The following DNAH7 variants were observed in gnomAD, a reference collection of about 807,000 sequenced individuals.
The protein encoded by DNAH7 is axonemal beta dynein heavy chain 7.
A neutral mutation model predicts 444.6 loss-of-function variants in DNAH7; 397 were observed. The observed-to-expected ratio is 0.89, with a 90% CI of 0.82 to 0.97. DNAH7 has a LOEUF of 0.97. Among genes scored for constraint, DNAH7 ranks in the 50% least tolerant of loss-of-function variants. The probability of loss-of-function intolerance (pLI) is 0.00; values close to 1 mark genes in which losing one functional copy is unlikely to be tolerated. For synonymous variants in DNAH7, 1,636 were observed against 1,624.4 expected (o/e 1.01, Z -0.17); for missense variants, 4,902 against 4,800.8 (o/e 1.02, Z -0.62).
chr2:195,962,359 T>G (rs948213468), intron 17 of DNAH7, among the ~76,000 whole-genome samples: 1 of 152,180 alleles, frequency 6.6e-6, no homozygotes, highest in South Asian at 2.1e-4. Context: ...TTTTGGTTGG[T>G]TGGTTGTTGT....
intron 2 of DNAH7, among the ~76,000 whole-genome samples, chr2:196,054,099 A>G (rs1697653892): frequency 1.3e-5 from 2 of 152,226 alleles, no homozygotes; most frequent in South Asian, 4.1e-4. Context: ...AGAGCCACCA[A>G]TAGGTTCCAA....
Position 195,864,898 on chromosome 2 carries a change from C to G in DNAH7, c.6757G>C (p.Asp2253His). 6.2e-7 allele frequency: 1 copy of G among 1,613,690 alleles called. No individual in the cohort carries two copies. The highest frequency in any genetic ancestry group is 8.5e-7 in the Non-Finnish European group (1 of 1,180,022). ...EDFHELFQRLDFDNDGMVEAD... is the reference protein window; with the variant it reads ...EDFHELFQRLHFDNDGMVEAD... ...TCCACCATGCCATCATTATCAAAAT[C>G]CAAACGCTGAAAAAGCTCATGAAAA... Residue 2253 changes from aspartate to histidine, a missense_variant, in exon 41 of 65, where the codon GAT becomes CAT. Physicochemically the swap from Asp to His is moderately conservative, Grantham distance 81. Coordinates refer to ENST00000312428, the MANE Select transcript of DNAH7 (RefSeq NM_018897.3).
At chr2:195,895,783 T>C (rs1463659654) in intron 29 of DNAH7, among the ~76,000 whole-genome samples, 1 of 152,158 alleles carries the variant, frequency 6.6e-6, no homozygotes, top group Non-Finnish European at 1.5e-5. Context: ...TGTCTAGACT[T>C]TAATATAAAT....
intron 48 of DNAH7, among the ~76,000 whole-genome samples, chr2:195,833,196 T>C (rs962026510): frequency 2.6e-5 from 4 of 152,244 alleles, no homozygotes; most frequent in African/African-American, 9.6e-5. Flanking sequence ...TCCCCTTTTC[T>C]ATGTAACTCC....
chr2:195,966,871 C>G (rs549949233), intron 17 of DNAH7, among the ~76,000 whole-genome samples: 58 of 152,040 alleles, frequency 3.8e-4, no homozygotes, highest in Admixed American at 2.0e-3. Context: ...GGCAACAGAC[C>G]ACTGGGTCTT....
rs760931476 is a variant in DNAH7, at chr2:195,891,767, A to G, written c.4934T>C (p.Leu1645Ser). Residue 1645 changes from leucine to serine, a missense_variant, in exon 31 of 65, where the codon TTA (leucine) becomes TCA (serine). Physicochemically the swap from Leu to Ser is moderately radical, Grantham distance 145. Coordinates refer to ENST00000312428, the MANE Select transcript of DNAH7 (RefSeq NM_018897.3). ...GCCCATGGTGACAGACTTAGGATTTAAAACAGTTATTTGAACTTTGTTTTC... is the reference window on the plus strand; with the variant it reads ...GCCCATGGTGACAGACTTAGGATTTGAAACAGTTATTTGAACTTTGTTTTC... ...MEENKVQITV[L>S]NPKSVTMGQL... 11 of 1,604,276 alleles carry G rather than the reference A, an allele frequency of 6.9e-6. No homozygotes were observed. In the East Asian group the frequency reaches 2.2e-4, roughly 33 times the overall value.
chr2:195,945,875 C>T (rs1559256242), intron 19 of DNAH7, among the ~76,000 whole-genome samples: 1 of 152,126 alleles, frequency 6.6e-6, no homozygotes, highest in Non-Finnish European at 1.5e-5. Context: ...GGGTGAAATG[C>T]AGCATGCAGA....
At position 195,884,645 on chromosome 2, in the gene DNAH7, CT is replaced by C; in HGVS notation, c.5702del (p.Lys1901ArgfsTer3). 6.2e-7 allele frequency: 1 copy of C among 1,614,166 alleles called. No homozygotes were observed. Among genetic ancestry groups the C allele is most frequent in the East Asian group, 2.2e-5 (1 of 44,870 alleles). On this transcript the variant is annotated frameshift_variant, in exon 35 of 65. Coordinates refer to ENST00000312428, the MANE Select transcript of DNAH7 (RefSeq NM_018897.3). LOFTEE classifies it high-confidence loss of function. ...LQSGTEQTSS[K>X]ALTVPFPEKG... is the part of the protein sequence containing the mutation. ...TTTCAGGAAATGGGACAGTTAGTGC[CT>C]TTGAGGATGTTTGCTCAGTACCACT...
chr2:195,788,307 T>A (rs1466652451), intron 57 of DNAH7, among the ~76,000 whole-genome samples: 1 of 152,148 alleles, frequency 6.6e-6, no homozygotes. Context: ...GCCAACTCCA[T>A]CTTCCCCCAA....
chr2:195,758,650 GAA>G (rs1447526629), intron 61 of DNAH7, among the ~76,000 whole-genome samples: 1 of 152,184 alleles, frequency 6.6e-6, no homozygotes, highest in Admixed American at 6.5e-5. Context: ...AAGAGGGCAG[GAA>G]AGACAGTCTT....
chr2:195,841,120 G>T (rs568652766), intron 47 of DNAH7, among the ~76,000 whole-genome samples: 1 of 151,940 alleles, frequency 6.6e-6, no homozygotes, highest in South Asian at 2.1e-4. Context: ...CCACATGCAT[G>T]TGAACCAATG....
intron 61 of DNAH7, among the ~76,000 whole-genome samples, chr2:195,762,925 A>G (rs1301749616): frequency 6.6e-6 from 1 of 152,166 alleles, no homozygotes; most frequent in Non-Finnish European, 1.5e-5. Context: ...TGCAGAATAC[A>G]TGGTTAACTC....
chr2:196,048,004 A>G (rs1697242101), intron 4 of DNAH7, among the ~76,000 whole-genome samples: 1 of 152,174 alleles, frequency 6.6e-6, no homozygotes, highest in Non-Finnish European at 1.5e-5. Flanking sequence ...AATCTCTCTT[A>G]TAAAAATCTC....
intron 58 of DNAH7, among the ~76,000 whole-genome samples, chr2:195,783,557 C>A (rs1695485994): frequency 6.6e-6 from 1 of 152,138 alleles, no homozygotes; most frequent in Non-Finnish European, 1.5e-5. Context: ...TTTATAATGA[C>A]ACTAGTCATA....
At chr2:195,954,967 T>C (rs1200017934) in intron 19 of DNAH7, among the ~76,000 whole-genome samples, 1 of 152,234 alleles carries the variant, frequency 6.6e-6, no homozygotes, top group Non-Finnish European at 1.5e-5. Context: ...TCTCCCATTC[T>C]GTAGGTTGCC....
At chr2:195,935,661 G>GAAGGAAAATGAGGC (rs1448126026) in intron 20 of DNAH7, among the ~76,000 whole-genome samples, 4 of 152,122 alleles carry the variant, frequency 2.6e-5, no homozygotes, top group African/African-American at 9.7e-5. Context: ...CAACTATGCA[G>GAAGGAAAATGAGGC]AAGGAAAATG....
chr2:195,848,378 T>G (rs747648676), intron 46 of DNAH7, among the ~76,000 whole-genome samples: 13 of 152,250 alleles, frequency 8.5e-5, no homozygotes, highest in Admixed American at 1.3e-4. Context: ...ACAGAAATCA[T>G]GTGCTCTTCT....
At position 196,019,225 on chromosome 2, in the gene DNAH7, T is replaced by A. The variant is rs747998169; in HGVS notation, c.814A>T (p.Asn272Tyr). The change falls in exon 9 of 65, where the codon AAT becomes TAT. Residue 272 changes from asparagine to tyrosine, a missense_variant. Physicochemically the swap from Asn to Tyr is moderately radical, Grantham distance 143. Transcript: ENST00000312428. Reference sequence around the variant, plus strand: ...GCCAGCATTGTGGGGTTCATTGCATTCAAGTGATCCCTAATATAACTGCTT... The same window carrying A: ...GCCAGCATTGTGGGGTTCATTGCATACAAGTGATCCCTAATATAACTGCTT... ...AASSYIRDHL[N>Y]AMNPTMLAVL... 10 of 1,530,432 alleles carry A rather than the reference T, an allele frequency of 6.5e-6. No individual in the cohort carries two copies. The African/African-American group carries it at 1.4e-4, about 21-fold the overall frequency. 94.8% of individuals were successfully genotyped at this position (1,530,432 alleles called of 1,614,324 possible).
intron 22 of DNAH7, among the ~76,000 whole-genome samples, chr2:195,925,728 T>C (rs1202620582): frequency 1.3e-5 from 2 of 152,320 alleles, no homozygotes; most frequent in Admixed American, 6.5e-5. Flanking sequence ...TCAAATTCCA[T>C]GTCAAAAACA....
Sources: allele counts gnomAD v4.1 joint callset (sites outside exome capture counted in the v4.1 genomes callset), GRCh38; gene constraint gnomAD v4.1.1; transcripts MANE v1.5; gene names NCBI Gene and HGNC (gene_info 2026-07-23, HGNC 2026-07-21).